Variants in PTPRD observed in about 807,000 individuals in gnomAD.
PTPRD encodes protein tyrosine phosphatase receptor type D.
In PTPRD, 34 loss-of-function variants were observed where a neutral mutation model predicts 214.5. The ratio of observed to expected loss-of-function variants is 0.16; its 90% CI spans 0.12 to 0.21. The LOEUF is 0.21. PTPRD is among the 10% of genes least tolerant of loss of function. The pLI is 1.00. For missense variants in PTPRD, 2,545 were observed against 2,398.7 expected (o/e 1.06, Z -1.27); for synonymous variants, 1,128 against 845.7 (o/e 1.33, Z -5.79).
chr9:8,955,543 G>T (rs973443779), intron 11 of PTPRD, among the ~76,000 whole-genome samples: 22 of 151,942 alleles, frequency 1.4e-4, no homozygotes, highest in African/African-American at 4.8e-4. Flanking sequence ...TCTATGGTGT[G>T]CTCTTCGTTA....
At chr9:9,365,963 GA>G (rs1286990062) in intron 9 of PTPRD, among the ~76,000 whole-genome samples, 3 of 151,430 alleles carry the variant, frequency 2.0e-5, no homozygotes, top group Non-Finnish European at 4.4e-5. Flanking sequence ...ATATAGCATG[GA>G]TCTTTGCAGA....
intron 12 of PTPRD, among the ~76,000 whole-genome samples, chr9:8,638,695 C>T (rs1201501745): frequency 6.6e-6 from 1 of 151,966 alleles, no homozygotes; most frequent in African/African-American, 2.4e-5. Context: ...TGCGGGCCTG[C>T]TTATGTTCAA....
intron 5 of PTPRD, among the ~76,000 whole-genome samples, chr9:9,840,022 G>T (rs1468094241): frequency 6.6e-6 from 1 of 151,842 alleles, no homozygotes; most frequent in African/African-American, 2.4e-5. Flanking sequence ...CAATTTTATG[G>T]TTGGTTTTTA....
chr9:10,184,908 C>A (rs961523204), intron 3 of PTPRD, among the ~76,000 whole-genome samples: 2 of 152,120 alleles, frequency 1.3e-5, no homozygotes, highest in Non-Finnish European at 2.9e-5. Flanking sequence ...ACCTGAAGGG[C>A]AGGAAGACTT....
At chr9:8,839,922 T>C (rs1349888969) in intron 11 of PTPRD, among the ~76,000 whole-genome samples, 1 of 152,168 alleles carries the variant, frequency 6.6e-6, no homozygotes, top group East Asian at 1.9e-4. Context: ...ATGTACTGAA[T>C]AGCAAATTCA....
intron 7 of PTPRD, among the ~76,000 whole-genome samples, chr9:9,720,523 T>C (rs928313178): frequency 2.0e-5 from 3 of 152,132 alleles, no homozygotes; most frequent in African/African-American, 4.8e-5. Flanking sequence ...GTAGTAAACA[T>C]ATATAGAATG....
In PTPRD at chr9:8,656,930, T is replaced by A. The variant is rs139121078; in HGVS notation, c.65-20086A>T. On this transcript the variant is annotated intron_variant, in intron 12 of 45. Transcript: ENST00000381196. ...CACCCTGAAATCACATAGCTTTACA[T>A]CACAGAAATTATCACATTACCAATA... is the stretch of plus-strand genomic sequence containing the variant. Among the ~76,000 whole-genome samples the A allele has an allele frequency of 1.2e-3, 186 of 152,254 alleles. 2 individuals carry two copies. Among genetic ancestry groups the A allele is most frequent in the African/African-American group, 4.3e-3 (180 of 41,542 alleles).
intron 11 of PTPRD, among the ~76,000 whole-genome samples, chr9:8,741,782 G>T (rs923939048): frequency 2.0e-5 from 3 of 151,658 alleles, no homozygotes; most frequent in African/African-American, 7.3e-5. Flanking sequence ...GTAGAGACAG[G>T]ATTTCACTAT....
chr9:8,445,606 CTA>C (rs2095693645), intron 34 of PTPRD, among the ~76,000 whole-genome samples: 1 of 152,104 alleles, frequency 6.6e-6, no homozygotes, highest in Non-Finnish European at 1.5e-5. Context: ...TAGATTGGTC[CTA>C]ACACTATGCA....
chr9:8,605,798 T>C (rs1028708258), intron 14 of PTPRD, among the ~76,000 whole-genome samples: 5 of 152,168 alleles, frequency 3.3e-5, no homozygotes, highest in Non-Finnish European at 7.3e-5. Context: ...CTCATCTCTA[T>C]GGAAGTTGGC....
intron 11 of PTPRD, among the ~76,000 whole-genome samples, chr9:8,816,223 C>A (rs1373777542): frequency 1.3e-5 from 2 of 152,150 alleles, no homozygotes; most frequent in African/African-American, 4.8e-5. Context: ...CAGACATTAG[C>A]TTTAGGAAAT....
chr9:10,004,053 A>C (rs1321205948), intron 4 of PTPRD, among the ~76,000 whole-genome samples: 1 of 151,998 alleles, frequency 6.6e-6, no homozygotes, highest in Non-Finnish European at 1.5e-5. Flanking sequence ...TCAAAAAATA[A>C]TTTAATGGGT....
intron 5 of PTPRD, among the ~76,000 whole-genome samples, chr9:9,831,987 T>C (rs1325076671): frequency 1.3e-5 from 2 of 151,986 alleles, no homozygotes; most frequent in African/African-American, 2.4e-5. Flanking sequence ...GGGTATGCCA[T>C]AGAATAAGGA....
chr9:8,507,550 T>A, intron 21 of PTPRD, 116 bp from the exon 22 acceptor site: 1 of 1,274,728 alleles, frequency 7.8e-7, no homozygotes. Context: ...ACCAGCTTAG[T>A]GGAAAACAAG....
intron 5 of PTPRD, among the ~76,000 whole-genome samples, chr9:9,812,863 G>C (rs1298917772): frequency 6.6e-6 from 1 of 152,030 alleles, no homozygotes; most frequent in Non-Finnish European, 1.5e-5. Context: ...ATATTCTCCA[G>C]GGTATATTGT....
chr9:10,402,206 T>C (rs1477647020), intron 2 of PTPRD, among the ~76,000 whole-genome samples: 1 of 151,714 alleles, frequency 6.6e-6, no homozygotes. Flanking sequence ...TATCTTCAGA[T>C]TGTCTTATGA....
At chr9:8,978,966 C>A (rs2099288365) in intron 11 of PTPRD, among the ~76,000 whole-genome samples, 1 of 151,984 alleles carries the variant, frequency 6.6e-6, no homozygotes, top group East Asian at 1.9e-4. Context: ...ATGAGGCTGC[C>A]ATCTTTATTC....
intron 10 of PTPRD, among the ~76,000 whole-genome samples, chr9:9,182,985 T>A (rs928326883): frequency 1.3e-5 from 2 of 151,920 alleles, no homozygotes; most frequent in African/African-American, 4.8e-5. Context: ...TCTATAAGCA[T>A]CTGCTGCTTC....
chr9:9,076,965 G>A (rs2099752160), intron 10 of PTPRD, among the ~76,000 whole-genome samples: 2 of 151,852 alleles, frequency 1.3e-5, no homozygotes, highest in African/African-American at 4.8e-5. Flanking sequence ...GGTAGAATTT[G>A]CTGTTGCCTG....
Sources: gnomAD v4.1 joint callset for allele counts (sites outside exome capture counted in the v4.1 genomes callset) on GRCh38, gnomAD v4.1.1 for gene constraint, MANE v1.5 for transcripts, NCBI Gene and HGNC (gene_info 2026-07-23, HGNC 2026-07-21) for gene names.